The following PLAGL2 variants were observed in gnomAD, a reference collection of about 807,000 sequenced individuals.
PLAGL2 encodes PLAG1 like zinc finger 2.
Under a neutral mutation model 29.0 loss-of-function variants are expected in PLAGL2, and 7 were observed. The ratio of observed to expected loss-of-function variants is 0.24; its 90% CI spans 0.14 to 0.45. The LOEUF (loss-of-function observed/expected upper bound fraction) is 0.45, where lower values mean the gene tolerates loss of function less well. PLAGL2 is among the 20% of genes least tolerant of loss of function. PLAGL2 has a pLI of 0.99. For synonymous variants in PLAGL2, 234 were observed against 266.0 expected, an observed-to-expected ratio of 0.88 and a Z score of 1.17; for missense variants, 454 against 648.2, an observed-to-expected ratio of 0.70 and a Z score of 3.25.
At chr20:32,203,549 T>C (rs988537197) in intron 1 of PLAGL2, among the ~76,000 whole-genome samples, 2 of 152,134 alleles carry the variant, frequency 1.3e-5, no homozygotes, top group African/African-American at 2.4e-5. Flanking sequence ...GTGCCAAAAT[T>C]TGATCATGAG....
intron 2 of PLAGL2, 33 bp downstream of exon 2, chr20:32,201,886 C>T (rs780350070): frequency 1.9e-6 from 3 of 1,585,020 alleles, no homozygotes; most frequent in Non-Finnish European, 1.7e-6. Context: ...CTGGGAACCT[C>T]AGGGCAGGAA....
chr20:32,197,430 C>T lies in PLAGL2; in HGVS notation c.513G>A (p.Leu171=). 4 of 1,612,460 alleles carry T rather than the reference C, an allele frequency of 2.5e-6. No individual in the cohort carries two copies. Among genetic ancestry groups the T allele is most frequent in the South Asian group, 1.1e-5 (1 of 90,966 alleles). The change falls in exon 3 of 3, where the codon CTG becomes CTA. Residue 171 remains leucine (L), a synonymous_variant. Coordinates refer to ENST00000246229, the MANE Select transcript of PLAGL2 (RefSeq NM_002657.3). This position sits in a 1 kb window ranked among gnomAD's most constrained non-coding sequence, Gnocchi z 6.6. Reference sequence around the variant, plus strand: ...GTGAGTGGGCCTTCAGGTGCTCTAGCAGGGCCTGGGTACTCTCAAAGGTCT... The same window carrying T: ...GTGAGTGGGCCTTCAGGTGCTCTAGTAGGGCCTGGGTACTCTCAAAGGTCT... ...CLQTFESTQA[L]LEHLKAHSRR...
intron 1 of PLAGL2, among the ~76,000 whole-genome samples, chr20:32,206,625 G>A (rs549356643): frequency 2.6e-5 from 4 of 152,192 alleles, no homozygotes; most frequent in Non-Finnish European, 5.9e-5. Flanking sequence ...TGGCTGACAG[G>A]TGGAAAAACA....
Position 32,198,273 on chromosome 20 carries a change from G to A in PLAGL2, c.261-591C>T, listed in dbSNP as rs557943377. Among the ~76,000 whole-genome samples, 8 of 152,258 alleles carry A rather than the reference G, an allele frequency of 5.3e-5. No individual in the cohort carries two copies. The South Asian group carries it at 8.3e-4, about 16-fold the overall frequency. Reference sequence around the variant, plus strand: ...TGGTACTTTTTGAATTTTGAATTACGTGAAAGTATTTCATTTTTTAAACAT... The same window carrying A: ...TGGTACTTTTTGAATTTTGAATTACATGAAAGTATTTCATTTTTTAAACAT... On this transcript the variant is annotated intron_variant, in intron 2 of 2. Coordinates refer to ENST00000246229, the MANE Select transcript of PLAGL2 (RefSeq NM_002657.3).
rs1214187309 is a variant in PLAGL2, at chr20:32,202,185, G to C, written c.-7C>G. The C allele has an allele frequency of 1.2e-6, 2 of 1,613,690 alleles. No individual in the cohort carries two copies. The highest frequency in any genetic ancestry group is 1.7e-5 in the Admixed American group (1 of 60,008). ...TGGTGAAAAATGTGGTCATGGCAAG[G>C]CTAATGGCAAAGGGCCATGTTATTG... On this transcript the variant is annotated 5_prime_UTR_variant, in exon 2 of 3. Transcript: ENST00000246229.
At chr20:32,200,439 C>G (rs1184731139) in intron 2 of PLAGL2, among the ~76,000 whole-genome samples, 1 of 151,956 alleles carries the variant, frequency 6.6e-6, no homozygotes, top group African/African-American at 2.4e-5. Context: ...GGGGTTTCAC[C>G]GTGGTCTCGA....
chr20:32,200,203 T>C (rs1210887513), intron 2 of PLAGL2, among the ~76,000 whole-genome samples: 1 of 152,256 alleles, frequency 6.6e-6, no homozygotes, highest in Non-Finnish European at 1.5e-5. Flanking sequence ...GATAGATGAA[T>C]GGATGGTTGG....
chr20:32,205,551 C>T (rs2047281921), intron 1 of PLAGL2, among the ~76,000 whole-genome samples: 1 of 152,150 alleles, frequency 6.6e-6, no homozygotes, highest in Non-Finnish European at 1.5e-5. Context: ...CCAGTCTGTC[C>T]GTCCCCTGTT....
intron 1 of PLAGL2, among the ~76,000 whole-genome samples, chr20:32,204,578 T>C (rs949100088): frequency 6.6e-6 from 1 of 152,146 alleles, no homozygotes; most frequent in Non-Finnish European, 1.5e-5. Context: ...TCCTACACTT[T>C]TCAAAAGGCA....
intron 2 of PLAGL2, among the ~76,000 whole-genome samples, chr20:32,201,305 C>A (rs1251705874): frequency 6.6e-6 from 1 of 150,870 alleles, no homozygotes; most frequent in African/African-American, 2.5e-5. Context: ...ATGTTCAGGG[C>A]TAAGTGCGGT....
At chr20:32,202,326 C>G (rs1569142487) in intron 1 of PLAGL2, 34 bp from the exon 2 acceptor site, 4 of 717,718 alleles carry the variant, frequency 5.6e-6, no homozygotes, top group Non-Finnish European at 6.9e-6. Flanking sequence ...TTAGGGAGCC[C>G]AATACCATGA....
At position 32,205,504 on chromosome 20, in the gene PLAGL2, G is replaced by A. The variant is rs1321229853; in HGVS notation, c.-115+2137C>T. On this transcript the variant is annotated intron_variant, in intron 1 of 2. Transcript: ENST00000246229. ...GAATGCTTGCTAAAAACTCTGTATG[G>A]TCCTCTTTGAAAGCTGAAACTGAGA... Among the ~76,000 whole-genome samples, 11 of 152,090 alleles carry A rather than the reference G, an allele frequency of 7.2e-5. 1 individual carries two copies. The highest frequency in any genetic ancestry group is 6.5e-4 in the Admixed American group (10 of 15,276).
chr20:32,202,010 G>T lies in PLAGL2; in HGVS notation c.169C>A (p.Pro57Thr). Residue 57 changes from proline (P) to threonine (T), a missense_variant, in exon 2 of 3, where the codon CCT becomes ACT. Transcript: ENST00000246229. Reference sequence around the variant, plus strand: ...TGCTCTGGTTGCGGGAGGCTGTGAGGCCTCAGCTTCTCCCCATTTGAGAAA... The same window carrying T: ...TGCTCTGGTTGCGGGAGGCTGTGAGTCCTCAGCTTCTCCCCATTTGAGAAA... ...TPFSNGEKLRPHSLPQPEQRP... is the reference protein window; with the variant it reads ...TPFSNGEKLRTHSLPQPEQRP... The T allele has an allele frequency of 1.9e-6, 3 of 1,613,988 alleles. No homozygotes were observed. The highest frequency in any genetic ancestry group is 2.2e-5 in the South Asian group (2 of 91,082).
At chr20:32,205,002 C>T (rs2047278710) in intron 1 of PLAGL2, among the ~76,000 whole-genome samples, 1 of 152,204 alleles carries the variant, frequency 6.6e-6, no homozygotes, top group Non-Finnish European at 1.5e-5. Flanking sequence ...AGAAGAGCTG[C>T]CACTTACTGG....
chr20:32,195,434 C>A lies in PLAGL2; in HGVS notation c.*1018G>T, dbSNP rs143001183. ...GACTAGGGGATGGGGAGGTGACGGA[C>A]GTGGGCATGCCTTTCATTTCTTCCC... is the stretch of plus-strand genomic sequence containing the variant. On this transcript the variant is annotated 3_prime_UTR_variant, in exon 3 of 3. Transcript: ENST00000246229. 6.6e-6 allele frequency: 1 copy of A among 152,644 alleles called. No individual in the cohort carries two copies. Among genetic ancestry groups the A allele is most frequent in the East Asian group, 1.9e-4 (1 of 5,202 alleles). 9.5% of individuals were successfully genotyped at this position (152,644 alleles called of 1,614,324 possible).
chr20:32,194,436 T>A lies in PLAGL2; in HGVS notation c.*2016A>T, dbSNP rs2047217409. On this transcript the variant is annotated 3_prime_UTR_variant, in exon 3 of 3. Coordinates refer to ENST00000246229, the MANE Select transcript of PLAGL2 (RefSeq NM_002657.3). Reference sequence around the variant, plus strand: ...ACTGAAACTAATTTTTAGAAGCAAATCATCTAGTCTGATTCTAACCTTGCC... The same window carrying A: ...ACTGAAACTAATTTTTAGAAGCAAAACATCTAGTCTGATTCTAACCTTGCC... The A allele has an allele frequency of 6.6e-6, 1 of 152,548 alleles. No individual in the cohort carries two copies. The highest frequency in any genetic ancestry group is 1.5e-5 in the Non-Finnish European group (1 of 68,040). 9.4% of individuals were successfully genotyped at this position (152,548 alleles called of 1,614,324 possible). A position where few individuals can be genotyped will look rare whatever the true frequency, so the allele number is the denominator to read the frequency against.
Position 32,197,373 on chromosome 20 carries a change from C to G in PLAGL2, c.570G>C (p.Lys190Asn), listed in dbSNP as rs756037718. ...RRVAGGAKEKKHPCDHCDRRF... is the reference protein window; with the variant it reads ...RRVAGGAKEKNHPCDHCDRRF... The stretch of plus-strand genomic sequence containing the variant: ...GCCGGTCGCAGTGGTCACAGGGGTG[C>G]TTCTTCTCCTTGGCACCGCCTGCTA... Residue 190 changes from lysine to asparagine, a missense_variant, in exon 3 of 3, where the codon AAG becomes AAC. Lys to Asn is a moderately conservative substitution (Grantham distance 94, BLOSUM62 0). This residue lies in a region of PLAGL2 where 111 missense variants were observed against 173.1 expected (regional missense o/e 0.64). Transcript: ENST00000246229. The surrounding 1 kb of genome is among the most constrained non-coding windows in gnomAD (Gnocchi z 6.6). The G allele has an allele frequency of 8.7e-6, 14 of 1,609,466 alleles. No homozygotes were observed. Among genetic ancestry groups the G allele is most frequent in the Non-Finnish European group, 1.1e-5 (13 of 1,178,462 alleles).
intron 1 of PLAGL2, among the ~76,000 whole-genome samples, chr20:32,204,959 T>G (rs1487260559): frequency 6.6e-6 from 1 of 152,198 alleles, no homozygotes; most frequent in Non-Finnish European, 1.5e-5. Context: ...TAGTGCCTGA[T>G]CTGAAAGGGG....
intron 1 of PLAGL2, among the ~76,000 whole-genome samples, chr20:32,206,585 A>G (rs1158112837): frequency 6.6e-6 from 1 of 152,114 alleles, no homozygotes; most frequent in Non-Finnish European, 1.5e-5. Context: ...AAGGTTAGAA[A>G]CCCAAGACCA....
Sources: gnomAD v4.1 joint callset for allele counts (sites outside exome capture counted in the v4.1 genomes callset) on GRCh38, gnomAD v4.1.1 for gene constraint, gnomAD v4.1.1 regional missense constraint, Gnocchi (gnomAD v3.1) non-coding constraint, MANE v1.5 for transcripts, NCBI Gene and HGNC (gene_info 2026-07-23, HGNC 2026-07-21) for gene names.